The following CFLAR variants were observed in gnomAD, a reference collection of about 807,000 sequenced individuals.
CFLAR encodes CASP8 and FADD-like apoptosis regulator.
CFLAR carries 14 observed loss-of-function variants against 51.1 expected under a neutral mutation model. The observed-to-expected ratio is 0.27, with a 90% CI of 0.18 to 0.43. CFLAR has a LOEUF of 0.43. Ranked by LOEUF, CFLAR falls within the 20% of genes least tolerant of loss-of-function variation. The pLI is 1.00. For missense variants in CFLAR, 390 were observed against 566.5 expected, an observed-to-expected ratio of 0.69 and a Z score of 3.16; for synonymous variants, 210 against 211.6, an observed-to-expected ratio of 0.99 and a Z score of 0.06.
In CFLAR at chr2:201,136,058, C is replaced by T. The variant is rs1388865152; in HGVS notation, c.474C>T (p.Asn158=). 12 of 1,614,086 alleles carry T rather than the reference C, an allele frequency of 7.4e-6. No individual in the cohort carries two copies. Among genetic ancestry groups the T allele is most frequent in the Admixed American group, 1.7e-5 (1 of 59,994 alleles). ...ATTTATTAGAAAAATGCCTAAAGAACATCCACAGAATAGACCTGAAGACAA... is the reference window on the plus strand; with the variant it reads ...ATTTATTAGAAAAATGCCTAAAGAATATCCACAGAATAGACCTGAAGACAA... The part of the protein sequence containing the change: ...QLDLLEKCLK[N]IHRIDLKTKI... Residue 158 remains asparagine (N), a synonymous_variant, in exon 4 of 10, where the codon AAC becomes AAT. Coordinates refer to ENST00000309955, the MANE Select transcript of CFLAR (RefSeq NM_003879.7).
intron 8 of CFLAR, 104 bp from the exon 9 acceptor site, chr2:201,160,328 C>A: frequency 8.0e-7 from 1 of 1,250,718 alleles, no homozygotes; most frequent in Non-Finnish European, 1.1e-6. Flanking sequence ...AAAGCAGAAG[C>A]TTTTCATAAT....
intron 8 of CFLAR, among the ~76,000 whole-genome samples, chr2:201,155,345 A>T (rs1186034515): frequency 6.6e-6 from 1 of 151,376 alleles, no homozygotes; most frequent in Non-Finnish European, 1.5e-5. Context: ...GGCTCACTGC[A>T]ACCTCTGTCT....
Position 201,138,490 on chromosome 2 carries a change from C to T in CFLAR, c.524-1867C>T, listed in dbSNP as rs1053534929. On this transcript the variant is annotated intron_variant, in intron 4 of 9. Coordinates refer to ENST00000309955, the MANE Select transcript of CFLAR (RefSeq NM_003879.7). The surrounding 1 kb of genome is among the most constrained non-coding windows in gnomAD (Gnocchi z 4.0). ...ATTTGCCTCTTTCAACCTCACACTG[C>T]TGGAGCCACCACTAGCTTGATCCTT... The T allele has an allele frequency of 1.1e-5, 13 of 1,187,488 alleles. No homozygotes were observed. The highest frequency in any genetic ancestry group is 1.5e-5 in the African/African-American group (1 of 66,710). 73.6% of individuals were successfully genotyped at this position (1,187,488 alleles called of 1,614,324 possible). A position where few individuals can be genotyped will look rare whatever the true frequency, so the allele number is the denominator to read the frequency against.
intron 6 of CFLAR, among the ~76,000 whole-genome samples, chr2:201,145,901 C>T (rs1940041535): frequency 6.6e-6 from 1 of 152,176 alleles, no homozygotes; most frequent in Non-Finnish European, 1.5e-5. Flanking sequence ...GTCATTTCAA[C>T]CCGCATGAGC....
intron 6 of CFLAR, chr2:201,146,333 G>A (rs1053076987): frequency 6.6e-6 from 1 of 152,190 alleles, no homozygotes; most frequent in African/African-American, 2.4e-5. Flanking sequence ...TTTTAGTAGA[G>A]ATGGGGTTTC....
chr2:201,163,774 A>C (rs1371465747), intron 9 of CFLAR, 61 bp from the exon 10 acceptor site: 2 of 1,563,580 alleles, frequency 1.3e-6, no homozygotes, highest in African/African-American at 2.7e-5. Context: ...TTTCGCCCTA[A>C]TGACAGTCTT....
chr2:201,141,375 TG>T, intron 5 of CFLAR: 2 of 1,557,686 alleles, frequency 1.3e-6, no homozygotes, highest in Non-Finnish European at 1.7e-6. Context: ...CTTCTACAGA[TG>T]ATAACACCCT....
intron 8 of CFLAR, 32 bp downstream of exon 8, chr2:201,149,867 C>T (rs1437406965): frequency 6.5e-7 from 1 of 1,530,318 alleles, no homozygotes; most frequent in Non-Finnish European, 9.1e-7. Flanking sequence ...TAACTGGTGC[C>T]CCCAGATTGA....
In CFLAR at chr2:201,129,801, T is replaced by C; in HGVS notation, c.-65T>C. The stretch of plus-strand genomic sequence containing the variant: ...GAAATGAAGTTGACTGCCTGCTGGC[T>C]TTCTGTTGACTGGCCCGGAGCTGTA... On this transcript the variant is annotated 5_prime_UTR_variant, in exon 2 of 10. Coordinates refer to ENST00000309955, the MANE Select transcript of CFLAR (RefSeq NM_003879.7). 6.7e-7 allele frequency: 1 copy of C among 1,489,296 alleles called. No individual in the cohort carries two copies. The highest frequency in any genetic ancestry group is 9.2e-7 in the Non-Finnish European group (1 of 1,091,904). 92.3% of individuals were successfully genotyped at this position (1,489,296 alleles called of 1,614,324 possible). A position where few individuals can be genotyped will look rare whatever the true frequency, so the allele number is the denominator to read the frequency against.
At chr2:201,161,836 T>C (rs903252112) in intron 9 of CFLAR, among the ~76,000 whole-genome samples, 1 of 146,322 alleles carries the variant, frequency 6.8e-6, no homozygotes, top group Admixed American at 7.2e-5. Context: ...AACCTCCGCC[T>C]GCTGGGTTCC....
intron 1 of CFLAR, among the ~76,000 whole-genome samples, chr2:201,119,838 T>C (rs529042577): frequency 6.7e-6 from 1 of 148,470 alleles, no homozygotes; most frequent in East Asian, 1.9e-4. Flanking sequence ...TTCAGTTTAA[T>C]GTTTTTTTTT....
At chr2:201,153,758 T>C (rs997079992) in intron 8 of CFLAR, 2 of 152,276 alleles carry the variant, frequency 1.3e-5, no homozygotes, top group African/African-American at 4.8e-5. Flanking sequence ...ATCTACTACG[T>C]GCCAGGTACT....
chr2:201,138,130 G>T lies in CFLAR; in HGVS notation c.523+2023G>T. 1 of 787,646 alleles carries T rather than the reference G, an allele frequency of 1.3e-6. No homozygotes were observed. The highest frequency in any genetic ancestry group is 2.3e-6 in the Non-Finnish European group (1 of 432,746). The allele number at this position is 787,646 out of a possible 1,614,324, so 48.8% of individuals were successfully genotyped here. On this transcript the variant is annotated intron_variant, in intron 4 of 9. Transcript: ENST00000309955. The surrounding 1 kb of genome is among the most constrained non-coding windows in gnomAD (Gnocchi z 4.0). ...CATCCACACCAGCGTCAATCAGGTTGTTGGCCTGGGCTGCTGTCACCACGT... is the reference window on the plus strand; with the variant it reads ...CATCCACACCAGCGTCAATCAGGTTTTTGGCCTGGGCTGCTGTCACCACGT...
intron 3 of CFLAR, 94 bp downstream of exon 3, chr2:201,133,228 C>A: frequency 1.2e-6 from 1 of 867,088 alleles, no homozygotes; most frequent in Non-Finnish European, 1.9e-6. Flanking sequence ...GGCAGTCTGC[C>A]GCCACTATAG....
Position 201,116,683 on chromosome 2 carries a change from C to T in CFLAR, c.-138+202C>T, listed in dbSNP as rs1380604663. ...TGGCCAGGGGATGGCGGGGGCGCTT[C>T]TGGAACCTGACTCAGTTTTGTAGGT... On this transcript the variant is annotated intron_variant, in intron 1 of 9. Transcript: ENST00000309955. The surrounding 1 kb of genome is among the most constrained non-coding windows in gnomAD (Gnocchi z 4.8). Among the ~76,000 whole-genome samples, 1 of 152,240 alleles carries T rather than the reference C, an allele frequency of 6.6e-6. No homozygotes were observed. The highest frequency in any genetic ancestry group is 6.5e-5 in the Admixed American group (1 of 15,286).
intron 5 of CFLAR, 22 bp from the exon 6 acceptor site, chr2:201,145,356 A>AC: frequency 6.7e-7 from 1 of 1,485,998 alleles, no homozygotes; most frequent in South Asian, 1.1e-5. Flanking sequence ...AGGAAGTATG[A>AC]CCTTATTCTT....
intron 8 of CFLAR, among the ~76,000 whole-genome samples, chr2:201,156,214 T>TTGAGAAGC (rs1942157277): frequency 2.0e-5 from 3 of 152,206 alleles, no homozygotes; most frequent in Non-Finnish European, 2.9e-5. Context: ...TCAAGTAAAT[T>TTGAGAAGC]TGAGAAGCGC....
intron 3 of CFLAR, among the ~76,000 whole-genome samples, chr2:201,134,941 T>A (rs1336779361): frequency 6.6e-6 from 1 of 152,164 alleles, no homozygotes; most frequent in Non-Finnish European, 1.5e-5. Flanking sequence ...GAACTCCCTT[T>A]TTGGTTTCTC....
Position 201,124,356 on chromosome 2 carries a change from G to A in CFLAR, c.-137-5373G>A, listed in dbSNP as rs1021496905. On this transcript the variant is annotated intron_variant, in intron 1 of 9. Transcript: ENST00000309955. This position sits in a 1 kb window ranked among gnomAD's most constrained non-coding sequence, Gnocchi z 4.7. ...TTTGTTTTGTTTTGTTTTTCGAGAC[G>A]GAGTTTCACTCTTGTTGCCCAGGCT... Among the ~76,000 whole-genome samples the A allele has an allele frequency of 6.6e-6, 1 of 152,078 alleles. No individual in the cohort carries two copies.
Sources: allele counts gnomAD v4.1 joint callset (sites outside exome capture counted in the v4.1 genomes callset), GRCh38; gene constraint gnomAD v4.1.1; non-coding constraint Gnocchi (gnomAD v3.1); transcripts MANE v1.5; gene names NCBI Gene and HGNC (gene_info 2026-07-23, HGNC 2026-07-21).